The following DENND3 variants were observed in gnomAD, a reference collection of about 807,000 sequenced individuals.
The protein encoded by DENND3 is DENN domain-containing protein 3.
In DENND3, 88 loss-of-function variants were observed where a neutral mutation model predicts 135.1. The observed-to-expected ratio is 0.65, with a 90% CI of 0.55 to 0.78. The LOEUF (loss-of-function observed/expected upper bound fraction) is 0.78, where lower values mean the gene tolerates loss of function less well. Ranked by LOEUF, DENND3 falls within the 30% of genes least tolerant of loss-of-function variation. The pLI is 0.00. For missense variants in DENND3, 1,392 were observed against 1,688.4 expected (o/e 0.82, Z 3.08); for synonymous variants, 693 against 712.3 (o/e 0.97, Z 0.43).
At position 141,153,094 on chromosome 8, in the gene DENND3, T is replaced by G. The variant is rs899449730; in HGVS notation, c.1074+1257T>G. On this transcript the variant is annotated intron_variant, in intron 7 of 22. Transcript: ENST00000519811. ...TTTCCATTTTGAACAATATCTTTCTTTTTTTTTTTTTTTTTTTGAGACAGA... is the reference window on the plus strand; with the variant it reads ...TTTCCATTTTGAACAATATCTTTCTGTTTTTTTTTTTTTTTTTGAGACAGA... Among the ~76,000 whole-genome samples, 15 of 74,526 alleles carry G rather than the reference T, an allele frequency of 2.0e-4. No homozygotes were observed. In the South Asian group the frequency reaches 5.6e-3, roughly 28 times the overall value. The allele number at this position is 74,526 out of a possible 152,430, so 48.9% of individuals were successfully genotyped here.
Position 141,138,058 on chromosome 8 carries a change from G to T in DENND3, c.422G>T (p.Cys141Phe), listed in dbSNP as rs1444660021. The T allele has an allele frequency of 6.2e-7, 1 of 1,608,894 alleles. No individual in the cohort carries two copies. Among genetic ancestry groups the T allele is most frequent in the African/African-American group, 1.3e-5 (1 of 74,978 alleles). ...VCVATEPKEDCVHFLVLTDVC... is the reference protein window; with the variant it reads ...VCVATEPKEDFVHFLVLTDVC... ...GTGGCCACTGAACCTAAGGAGGATT[G>T]CGTCCACTTCCTGGTGCTGACCGAT... is the stretch of plus-strand genomic sequence containing the variant. Residue 141 changes from cysteine (C) to phenylalanine (F), a missense_variant, in exon 3 of 23, where the codon TGC becomes TTC. Cys to Phe is a radical substitution (Grantham distance 205). Coordinates refer to ENST00000519811, the MANE Select transcript of DENND3 (RefSeq NM_001352890.3). The surrounding 1 kb of genome is among the most constrained non-coding windows in gnomAD (Gnocchi z 4.8).
rs1257362024 is a variant in DENND3 at position 141,182,381 on chromosome 8, C to T, written c.2944+1527C>T. 9 of 985,298 alleles carry T rather than the reference C, an allele frequency of 9.1e-6. No individual in the cohort carries two copies. Among genetic ancestry groups the T allele is most frequent in the Non-Finnish European group, 9.6e-6 (8 of 829,934 alleles). The allele number at this position is 985,298 out of a possible 1,614,324, so 61.0% of individuals were successfully genotyped here. A position where few individuals can be genotyped will look rare whatever the true frequency, so the allele number is the denominator to read the frequency against. ...AGTGAGCAGGCAGCGTCATCAGGGCCGCCCCGCGTGAGCCCTACCTGATGT... is the reference window on the plus strand; with the variant it reads ...AGTGAGCAGGCAGCGTCATCAGGGCTGCCCCGCGTGAGCCCTACCTGATGT... On this transcript the variant is annotated intron_variant, in intron 17 of 22. Coordinates refer to ENST00000519811, the MANE Select transcript of DENND3 (RefSeq NM_001352890.3). This position sits in a 1 kb window ranked among gnomAD's most constrained non-coding sequence, Gnocchi z 5.9.
At position 141,182,241 on chromosome 8, in the gene DENND3, G is replaced by A. The variant is rs1164560012; in HGVS notation, c.2944+1387G>A. 2.1e-6 allele frequency: 2 copies of A among 938,196 alleles called. No individual in the cohort carries two copies. The highest frequency in any genetic ancestry group is 2.5e-6 in the Non-Finnish European group (2 of 786,928). The allele number at this position is 938,196 out of a possible 1,614,324, so 58.1% of individuals were successfully genotyped here. A position where few individuals can be genotyped will look rare whatever the true frequency, so the allele number is the denominator to read the frequency against. ...ACAGAGCACCTGGCCATTCACACAC[G>A]GAGCTCATGCTTCAGGTGGGCAGAG... is the stretch of plus-strand genomic sequence containing the variant. On this transcript the variant is annotated intron_variant, in intron 17 of 22. Transcript: ENST00000519811. The surrounding 1 kb of genome is among the most constrained non-coding windows in gnomAD (Gnocchi z 5.9).
chr8:141,186,665 C>CTG (rs199982614), intron 18 of DENND3, among the ~76,000 whole-genome samples: 2,469 of 152,296 alleles, frequency 0.016, 68 homozygotes, highest in African/African-American at 0.055. Context: ...TGAATTGTTT[C>CTG]TGATAATTTT....
Position 141,151,681 on chromosome 8 carries a change from G to A in DENND3, c.918G>A (p.Leu306=). The change falls in exon 7 of 23, where the codon CTG becomes CTA. Residue 306 remains leucine, a synonymous_variant. Coordinates refer to ENST00000519811, the MANE Select transcript of DENND3 (RefSeq NM_001352890.3). ...IVFFSSDWAL[L]TLVTECFMAY... Reference sequence around the variant, plus strand: ...TCTTCTCCTCGGACTGGGCTCTGCTGACGCTGGTCACTGAGTGCTTCATGG... The same window carrying A: ...TCTTCTCCTCGGACTGGGCTCTGCTAACGCTGGTCACTGAGTGCTTCATGG... 6.2e-7 allele frequency: 1 copy of A among 1,614,034 alleles called. No homozygotes were observed. The highest frequency in any genetic ancestry group is 8.5e-7 in the Non-Finnish European group (1 of 1,180,038).
Position 141,172,321 on chromosome 8 carries a change from G to A in DENND3, c.2276-2879G>A, listed in dbSNP as rs866866601. 7.2e-5 allele frequency among the ~76,000 whole-genome samples: 11 copies of A among 152,168 alleles called. No individual in the cohort carries two copies. The Middle Eastern group carries it at 0.01, about 141-fold the overall frequency. ...GTTCTGCTGCAGTGCTGGTGGCGTA[G>A]TGTCCACAGGCTGGCTGAGCACTGG... On this transcript the variant is annotated intron_variant, in intron 13 of 22. Transcript: ENST00000519811.
chr8:141,181,708 T>C (rs1823133440), intron 17 of DENND3, among the ~76,000 whole-genome samples: 1 of 152,134 alleles, frequency 6.6e-6, no homozygotes, highest in African/African-American at 2.4e-5. Context: ...AAGCTTATGC[T>C]GAGGGTTTAC....
At position 141,182,929 on chromosome 8, in the gene DENND3, C is replaced by T. The variant is rs1239548605; in HGVS notation, c.2944+2075C>T. ...CATGGGAGCAACAGACCACTGGAATCGCACCCCAGAAAGACCGGGAGGCCT... is the reference window on the plus strand; with the variant it reads ...CATGGGAGCAACAGACCACTGGAATTGCACCCCAGAAAGACCGGGAGGCCT... On this transcript the variant is annotated intron_variant, in intron 17 of 22. Coordinates refer to ENST00000519811, the MANE Select transcript of DENND3 (RefSeq NM_001352890.3). The surrounding 1 kb of genome is among the most constrained non-coding windows in gnomAD (Gnocchi z 5.9). Among the ~76,000 whole-genome samples, 8 of 152,188 alleles carry T rather than the reference C, an allele frequency of 5.3e-5. No homozygotes were observed. Among genetic ancestry groups the T allele is most frequent in the African/African-American group, 1.2e-4 (5 of 41,454 alleles).
At chr8:141,148,979 C>A (rs943755802) in intron 5 of DENND3, among the ~76,000 whole-genome samples, 1 of 151,330 alleles carries the variant, frequency 6.6e-6, no homozygotes, top group East Asian at 1.9e-4. Context: ...GGCACAGTCT[C>A]GGCTCACCGC....
chr8:141,192,031 A>G, intron 20 of DENND3: 1 of 309,114 alleles, frequency 3.2e-6, no homozygotes, highest in Non-Finnish European at 6.1e-6. Flanking sequence ...TACTCCCAAT[A>G]ATACATTCTT....
intron 18 of DENND3, among the ~76,000 whole-genome samples, chr8:141,187,946 G>T (rs138852330): frequency 1.3e-5 from 2 of 152,160 alleles, no homozygotes; most frequent in African/African-American, 2.4e-5. Flanking sequence ...CAGCACTTTG[G>T]GGGGCCGAAG....
rs566088939 is a variant in DENND3, at chr8:141,154,554, CT to C, written c.1075-1285del. 2.4e-4 allele frequency among the ~76,000 whole-genome samples: 35 copies of C among 147,914 alleles called. No homozygotes were observed. In the East Asian group the frequency reaches 3.1e-3, roughly 13 times the overall value. On this transcript the variant is annotated intron_variant, in intron 7 of 22. Transcript: ENST00000519811. The surrounding 1 kb of genome is among the most constrained non-coding windows in gnomAD (Gnocchi z 4.4). ...CCTTGTCAACAACATGTATTGGAAT[CT>C]TTTTTTTTTCTTTTTTTTTTTTGTG... is the stretch of plus-strand genomic sequence containing the variant.
Position 141,131,127 on chromosome 8 carries a change from G to T in DENND3, c.102+2318G>T, listed in dbSNP as rs185886027. ...ATGTTGGATAGTGGAGGGCCCTTTTGTTTCATTTCCTAGAAGGGGGAGTAG... is the reference window on the plus strand; with the variant it reads ...ATGTTGGATAGTGGAGGGCCCTTTTTTTTCATTTCCTAGAAGGGGGAGTAG... On this transcript the variant is annotated intron_variant, in intron 1 of 22. Coordinates refer to ENST00000519811, the MANE Select transcript of DENND3 (RefSeq NM_001352890.3). 4.4e-3 allele frequency among the ~76,000 whole-genome samples: 665 copies of T among 152,222 alleles called. 3 individuals carry two copies. Among genetic ancestry groups the T allele is most frequent in the African/African-American group, 0.015 (616 of 41,516 alleles).
Position 141,192,479 on chromosome 8 carries a change from T to C in DENND3, c.3498+30T>C, listed in dbSNP as rs748142358. On this transcript the variant is annotated intron_variant, in intron 21 of 22. Transcript: ENST00000519811. ...CCCAGCAGGGGCTGTGGGCCCAGCA[T>C]GTGCGTGGCCCGGGGCCCATAGCCC... 49 of 1,613,576 alleles carry C rather than the reference T, an allele frequency of 3.0e-5. No homozygotes were observed. In the Admixed American group the frequency reaches 7.5e-4, roughly 25 times the overall value.
At chr8:141,190,800 C>G (rs1249585508) in intron 20 of DENND3, among the ~76,000 whole-genome samples, 1 of 152,362 alleles carries the variant, frequency 6.6e-6, no homozygotes, top group East Asian at 1.9e-4. Flanking sequence ...CACCTGGGGG[C>G]AGCTGGCGAG....
Position 141,139,775 on chromosome 8 carries a change from G to A in DENND3, c.502-1428G>A, listed in dbSNP as rs749661979. Reference sequence around the variant, plus strand: ...CAGATGCCACTGTTCCCAGTGTGCCGGCCTGGCGTGGGCATGCCTGGTCCT... The same window carrying A: ...CAGATGCCACTGTTCCCAGTGTGCCAGCCTGGCGTGGGCATGCCTGGTCCT... On this transcript the variant is annotated intron_variant, in intron 3 of 22. Transcript: ENST00000519811. This position sits in a 1 kb window ranked among gnomAD's most constrained non-coding sequence, Gnocchi z 4.2. Among the ~76,000 whole-genome samples, 17 of 152,192 alleles carry A rather than the reference G, an allele frequency of 1.1e-4. No homozygotes were observed. The highest frequency in any genetic ancestry group is 2.1e-4 in the Non-Finnish European group (14 of 68,040).
chr8:141,153,207 T>G (rs1589597360), intron 7 of DENND3, among the ~76,000 whole-genome samples: 1 of 151,436 alleles, frequency 6.6e-6, no homozygotes, highest in South Asian at 2.1e-4. Context: ...GATTCTCCTG[T>G]CTCAGCCTCC....
intron 16 of DENND3, among the ~76,000 whole-genome samples, chr8:141,179,695 G>A (rs933242461): frequency 2.0e-5 from 3 of 152,386 alleles, no homozygotes; most frequent in South Asian, 4.1e-4. Flanking sequence ...GGTGTAGCCC[G>A]CCAGCCTCGT....
chr8:141,190,261 G>C (rs781092651), intron 19 of DENND3, 23 bp from the exon 20 acceptor site: 19 of 1,569,024 alleles, frequency 1.2e-5, no homozygotes, highest in Non-Finnish European at 1.6e-5. Flanking sequence ...TTAAAGGTGT[G>C]TGTGTGTGTT....
Sources: allele counts gnomAD v4.1 joint callset (sites outside exome capture counted in the v4.1 genomes callset), GRCh38; gene constraint gnomAD v4.1.1; non-coding constraint Gnocchi (gnomAD v3.1); transcripts MANE v1.5; gene names NCBI Gene and HGNC (gene_info 2026-07-23, HGNC 2026-07-21).